The following CCDC169 variants were observed in gnomAD, a reference collection of about 807,000 sequenced individuals.
CCDC169 encodes coiled-coil domain containing 169, also known as coiled-coil domain-containing protein 169.
CCDC169 carries 30 observed loss-of-function variants against 36.0 expected under a neutral mutation model. That is an observed-to-expected ratio of 0.83 (90% confidence interval 0.62 to 1.13). The LOEUF (loss-of-function observed/expected upper bound fraction) is 1.13. CCDC169 is among the 50% of genes most tolerant of loss of function. The pLI is 0.00. For missense variants in CCDC169, 245 were observed against 245.9 expected (o/e 1.00, Z 0.03); for synonymous variants, 85 against 81.5 (o/e 1.04, Z -0.23).
chr13:36,239,748 G>GT (rs1871539955), intron 7 of CCDC169, among the ~76,000 whole-genome samples: 1 of 152,070 alleles, frequency 6.6e-6, no homozygotes, highest in East Asian at 1.9e-4. Context: ...AGAAATGGAG[G>GT]CAAAAATTGA....
In CCDC169 at chr13:36,231,107, A is replaced by G. The variant is rs1870374495; in HGVS notation, c.*86T>C. On this transcript the variant is annotated 3_prime_UTR_variant, in exon 8 of 8. Coordinates refer to ENST00000239859, the MANE Select transcript of CCDC169 (RefSeq NM_001144981.3). The stretch of plus-strand genomic sequence containing the variant: ...AGTTCTTATCTATTTTATTCCCTGA[A>G]GAAATGTGCTGACCATTAACTTTAT... 6.8e-7 allele frequency: 1 copy of G among 1,473,816 alleles called. No homozygotes were observed. The highest frequency in any genetic ancestry group is 9.0e-7 in the Non-Finnish European group (1 of 1,115,950). The allele number at this position is 1,473,816 out of a possible 1,614,324, so 91.3% of individuals were successfully genotyped here. A position where few individuals can be genotyped will look rare whatever the true frequency, so the allele number is the denominator to read the frequency against.
rs545326381 is a variant in CCDC169 at position 36,262,124 on chromosome 13, A to T, written c.316-7981T>A. On this transcript the variant is annotated intron_variant, in intron 4 of 7. Transcript: ENST00000239859. ...GCCCAGAAATGCTTGGCCCCACCCA[A>T]CTTGAATCTACCACCCAGAAATGAC... Among the ~76,000 whole-genome samples the T allele has an allele frequency of 2.0e-5, 3 of 152,262 alleles. No individual in the cohort carries two copies. The East Asian group carries it at 5.8e-4, about 29-fold the overall frequency.
At chr13:36,288,051 C>A (rs1878450377) in intron 2 of CCDC169, among the ~76,000 whole-genome samples, 1 of 151,884 alleles carries the variant, frequency 6.6e-6, no homozygotes, top group African/African-American at 2.4e-5. Context: ...CTCTGTCACC[C>A]AGGCTAGAGT....
chr13:36,262,231 A>T (rs1386689601), intron 4 of CCDC169, among the ~76,000 whole-genome samples: 1 of 152,156 alleles, frequency 6.6e-6, no homozygotes, highest in African/African-American at 2.4e-5. Context: ...TTGGGGAGGT[A>T]TGTGATCTCA....
chr13:36,288,798 AT>A (rs1878545012), intron 2 of CCDC169, among the ~76,000 whole-genome samples: 1 of 152,162 alleles, frequency 6.6e-6, no homozygotes, highest in Non-Finnish European at 1.5e-5. Flanking sequence ...GGAGAGAGAT[AT>A]AAAGAAAGTT....
intron 4 of CCDC169, among the ~76,000 whole-genome samples, chr13:36,277,392 T>C (rs906402691): frequency 1.2e-4 from 19 of 152,084 alleles, no homozygotes; most frequent in African/African-American, 3.6e-4. Context: ...GATGGGTTGA[T>C]AGGTGCAGCA....
chr13:36,294,069 A>G (rs556575140), intron 2 of CCDC169, among the ~76,000 whole-genome samples: 1 of 152,214 alleles, frequency 6.6e-6, no homozygotes, highest in African/African-American at 2.4e-5. Flanking sequence ...TATGGGGATA[A>G]TAATAACTAC....
intron 2 of CCDC169, among the ~76,000 whole-genome samples, chr13:36,292,219 T>C (rs9531727): frequency 0.25 from 38,332 of 151,788 alleles, 5,080 homozygotes; most frequent in East Asian, 0.48. Flanking sequence ...GTCTCGAACT[T>C]CTGACCTCAG....
intron 2 of CCDC169, among the ~76,000 whole-genome samples, chr13:36,284,199 T>C (rs1383348997): frequency 6.6e-6 from 1 of 152,124 alleles, no homozygotes; most frequent in African/African-American, 2.4e-5. Context: ...ATATAAAATA[T>C]CCTAAACATT....
intron 7 of CCDC169, among the ~76,000 whole-genome samples, chr13:36,241,878 C>G (rs1163865610): frequency 6.6e-6 from 1 of 152,064 alleles, no homozygotes; most frequent in East Asian, 1.9e-4. Flanking sequence ...GGGGAGTGAC[C>G]CAGTGGGAGA....
chr13:36,288,987 TATG>T (rs1361662459), intron 2 of CCDC169, among the ~76,000 whole-genome samples: 2 of 152,136 alleles, frequency 1.3e-5, no homozygotes, highest in African/African-American at 2.4e-5. Flanking sequence ...CTATGTAAGT[TATG>T]ATAAGGTTCA....
intron 6 of CCDC169, among the ~76,000 whole-genome samples, chr13:36,253,488 C>T (rs1873434649): frequency 6.6e-6 from 1 of 151,980 alleles, no homozygotes; most frequent in Admixed American, 6.6e-5. Context: ...AGGCGCCCAC[C>T]ACCACGCCCA....
intron 4 of CCDC169, among the ~76,000 whole-genome samples, chr13:36,261,588 T>C (rs1874615671): frequency 2.0e-5 from 3 of 152,184 alleles, no homozygotes. Context: ...TACTATCCTT[T>C]TCAGGTGGGA....
chr13:36,278,519 A>G (rs1877113003), intron 4 of CCDC169, among the ~76,000 whole-genome samples: 1 of 152,170 alleles, frequency 6.6e-6, no homozygotes, highest in Non-Finnish European at 1.5e-5. Context: ...AACTCTGGAC[A>G]ACGTGTTTTA....
downstream of CCDC169, chr13:36,227,133 G>A (rs1350393445): frequency 2.0e-6 from 2 of 998,974 alleles, no homozygotes; most frequent in African/African-American, 3.2e-5. Flanking sequence ...ATTTCCTGGG[G>A]GAGGCTTAAA....
At chr13:36,272,099 C>T (rs1332153033) in intron 4 of CCDC169, among the ~76,000 whole-genome samples, 1 of 98,838 alleles carries the variant, frequency 1.0e-5, no homozygotes, top group Non-Finnish European at 2.3e-5. Context: ...AAAAAAAAAA[C>T]TAAAAAAATA....
At chr13:36,291,608 CCTCT>C (rs572642664) in intron 2 of CCDC169, among the ~76,000 whole-genome samples, 4 of 152,094 alleles carry the variant, frequency 2.6e-5, no homozygotes, top group South Asian at 4.2e-4. Flanking sequence ...TGTATCACTT[CCTCT>C]CTAATAGCTA....
intron 2 of CCDC169, among the ~76,000 whole-genome samples, chr13:36,288,085 T>G (rs751112458): frequency 1.3e-5 from 2 of 152,092 alleles, no homozygotes; most frequent in East Asian, 1.9e-4. Flanking sequence ...CTTGGCTCAC[T>G]GCAAGCTCCA....
At chr13:36,254,557 G>A (rs12872239) in intron 4 of CCDC169, among the ~76,000 whole-genome samples, 113 of 152,170 alleles carry the variant, frequency 7.4e-4, no homozygotes, top group African/African-American at 2.4e-3. Context: ...GATTACAGTC[G>A]TGAGCCACTG....
Sources: gnomAD v4.1 joint callset for allele counts (sites outside exome capture counted in the v4.1 genomes callset) on GRCh38, gnomAD v4.1.1 for gene constraint, MANE v1.5 for transcripts, NCBI Gene and HGNC (gene_info 2026-07-23, HGNC 2026-07-21) for gene names.